The following CKAP5 variants were observed in gnomAD, a reference collection of about 807,000 sequenced individuals.
CKAP5 encodes the protein cytoskeleton-associated protein 5.
In CKAP5, 27 loss-of-function variants were observed where a neutral mutation model predicts 232.8. That is an observed-to-expected ratio of 0.12 (90% CI 0.09 to 0.16). CKAP5 has a LOEUF of 0.16. Among genes scored for constraint, CKAP5 ranks in the 10% least tolerant of loss-of-function variants. The pLI is 1.00. For synonymous variants in CKAP5, 785 were observed against 841.1 expected, an observed-to-expected ratio of 0.93 and a Z score of 1.16; for missense variants, 1,838 against 2,424.7, an observed-to-expected ratio of 0.76 and a Z score of 5.08.
At chr11:46,845,857 C>T (rs1940176413) in intron 1 of CKAP5, among the ~76,000 whole-genome samples, 1 of 152,174 alleles carries the variant, frequency 6.6e-6, no homozygotes, top group South Asian at 2.1e-4. Context: ...ACGCGAGAGG[C>T]ACTCTAGCAG....
chr11:46,752,267 T>C (rs1158662386), intron 38 of CKAP5, among the ~76,000 whole-genome samples: 1 of 145,710 alleles, frequency 6.9e-6, no homozygotes, highest in Non-Finnish European at 1.5e-5. Flanking sequence ...TATTAAGATA[T>C]ACATATATAA....
chr11:46,771,214 G>A (rs2065245084), intron 24 of CKAP5, among the ~76,000 whole-genome samples: 1 of 152,006 alleles, frequency 6.6e-6, no homozygotes, highest in Non-Finnish European at 1.5e-5. Context: ...GACTATATTT[G>A]GGTATTAAAT....
At chr11:46,824,432 A>T (rs569189425) in intron 1 of CKAP5, among the ~76,000 whole-genome samples, 3 of 152,192 alleles carry the variant, frequency 2.0e-5, no homozygotes, top group Non-Finnish European at 4.4e-5. Flanking sequence ...CTAGGTGTAT[A>T]GCCTAGAAAC....
chr11:46,824,357 T>C (rs1287780604), intron 1 of CKAP5, among the ~76,000 whole-genome samples: 4 of 152,166 alleles, frequency 2.6e-5, no homozygotes, highest in African/African-American at 9.7e-5. Context: ...CAGAATAGTT[T>C]AACAGTCTGG....
intron 18 of CKAP5, among the ~76,000 whole-genome samples, chr11:46,781,334 A>G (rs2065339859): frequency 6.6e-6 from 1 of 152,196 alleles, no homozygotes; most frequent in African/African-American, 2.4e-5. Flanking sequence ...GAATTTCTCG[A>G]CAGGATTATT....
chr11:46,803,896 A>T (rs1939093350), intron 8 of CKAP5, among the ~76,000 whole-genome samples: 1 of 152,206 alleles, frequency 6.6e-6, no homozygotes, highest in South Asian at 2.1e-4. Context: ...CTCAGATATG[A>T]TTTAGATGCT....
At chr11:46,772,593 T>C (rs2065256569) in intron 24 of CKAP5, among the ~76,000 whole-genome samples, 1 of 152,220 alleles carries the variant, frequency 6.6e-6, no homozygotes, top group African/African-American at 2.4e-5. Flanking sequence ...AATTAGTTGA[T>C]ATTAGTGTGG....
intron 1 of CKAP5, among the ~76,000 whole-genome samples, chr11:46,822,938 A>G (rs1160506423): frequency 6.6e-6 from 1 of 152,086 alleles, no homozygotes; most frequent in Non-Finnish European, 1.5e-5. Context: ...TAAAGTCAAC[A>G]TCCTTTTAAT....
At chr11:46,801,413 T>A in intron 8 of CKAP5, 109 bp from the exon 9 acceptor site, 1 of 767,026 alleles carries the variant, frequency 1.3e-6, no homozygotes, top group Non-Finnish European at 2.1e-6. Flanking sequence ...CTCACACCTG[T>A]AATCCCAGCA....
chr11:46,758,952 T>C lies in CKAP5; in HGVS notation c.4660A>G (p.Ile1554Val). 1 of 1,613,910 alleles carries C rather than the reference T, an allele frequency of 6.2e-7. No individual in the cohort carries two copies. Among genetic ancestry groups the C allele is most frequent in the Non-Finnish European group, 8.5e-7 (1 of 1,179,974 alleles). Residue 1554 changes from isoleucine to valine, a missense_variant, in exon 35 of 44, where the codon ATC (isoleucine) becomes GTC (valine). Physicochemically the swap from Ile to Val is conservative, Grantham distance 29. Around this residue, in one of 6 missense-constraint regions of CKAP5, gnomAD observed 579 missense variants for 843.2 expected, o/e 0.69. Coordinates refer to ENST00000529230, the MANE Select transcript of CKAP5 (RefSeq NM_001008938.4). ...FIISQVASGD[I>V]NTSIQALTQI... Reference sequence around the variant, plus strand: ...GTCAGAGCTTGGATACTTGTGTTGATGTCACCACTGGCTACTTGGGAGATA... The same window carrying C: ...GTCAGAGCTTGGATACTTGTGTTGACGTCACCACTGGCTACTTGGGAGATA...
At chr11:46,806,259 A>G (rs1317019696) in intron 8 of CKAP5, among the ~76,000 whole-genome samples, 1 of 152,242 alleles carries the variant, frequency 6.6e-6, no homozygotes, top group Non-Finnish European at 1.5e-5. Context: ...TGCCAATGGA[A>G]ACCACAGAAC....
At chr11:46,798,779 G>T (rs1938958491) in intron 9 of CKAP5, among the ~76,000 whole-genome samples, 1 of 152,068 alleles carries the variant, frequency 6.6e-6, no homozygotes. Flanking sequence ...AGTGCTGATG[G>T]TTATGTAACA....
chr11:46,780,107 A>C lies in CKAP5; in HGVS notation c.2433+87T>G, dbSNP rs2065326790. 18 of 1,408,086 alleles carry C rather than the reference A, an allele frequency of 1.3e-5. No homozygotes were observed. The South Asian group carries it at 2.1e-4, about 17-fold the overall frequency. The allele number at this position is 1,408,086 out of a possible 1,614,324, so 87.2% of individuals were successfully genotyped here. Reference sequence around the variant, plus strand: ...CTCAGGCTCCTGAGTAGCTGGGACTACAGGCGTGCACCACTACACCCAACA... The same window carrying C: ...CTCAGGCTCCTGAGTAGCTGGGACTCCAGGCGTGCACCACTACACCCAACA... On this transcript the variant is annotated intron_variant, in intron 20 of 43. Coordinates refer to ENST00000529230, the MANE Select transcript of CKAP5 (RefSeq NM_001008938.4).
At chr11:46,775,523 G>A (rs781037955) in intron 24 of CKAP5, among the ~76,000 whole-genome samples, 38 of 152,262 alleles carry the variant, frequency 2.5e-4, no homozygotes, top group Middle Eastern at 3.4e-3. Flanking sequence ...ACATGCATAC[G>A]TATGTTTATT....
At chr11:46,764,763 G>T (rs954378345) in intron 28 of CKAP5, among the ~76,000 whole-genome samples, 5 of 151,844 alleles carry the variant, frequency 3.3e-5, no homozygotes, top group Admixed American at 2.0e-4. Context: ...AGTATCTAAT[G>T]AAATCAAAGT....
chr11:46,776,424 A>C, intron 23 of CKAP5, 41 bp from the exon 24 acceptor site: 1 of 1,566,084 alleles, frequency 6.4e-7, no homozygotes, highest in Non-Finnish European at 8.7e-7. Context: ...TATCTACTAC[A>C]GTTTGGAGGT....
At chr11:46,749,830 A>G (rs1158485958) in intron 42 of CKAP5, among the ~76,000 whole-genome samples, 1 of 151,426 alleles carries the variant, frequency 6.6e-6, no homozygotes, top group Non-Finnish European at 1.5e-5. Flanking sequence ...GCATGCCTGT[A>G]ATCCCAGCTA....
At chr11:46,801,666 T>A (rs544638266) in intron 8 of CKAP5, among the ~76,000 whole-genome samples, 2 of 150,854 alleles carry the variant, frequency 1.3e-5, no homozygotes, top group African/African-American at 4.9e-5. Flanking sequence ...CAAGACTCCA[T>A]CTCAAAAAAA....
chr11:46,799,356 G>A (rs571888642), intron 9 of CKAP5, among the ~76,000 whole-genome samples: 2 of 152,274 alleles, frequency 1.3e-5, no homozygotes, highest in Admixed American at 6.5e-5. Context: ...CACAGAAGTG[G>A]TTATAGACTA....
Sources: allele counts gnomAD v4.1 joint callset (sites outside exome capture counted in the v4.1 genomes callset), GRCh38; gene constraint gnomAD v4.1.1; regional missense constraint gnomAD v4.1.1; transcripts MANE v1.5; gene names NCBI Gene and HGNC (gene_info 2026-07-23, HGNC 2026-07-21).